Variants in ADCY5 observed in about 807,000 individuals in gnomAD.
ADCY5 encodes the protein adenylate cyclase type 5.
In ADCY5, 30 loss-of-function variants were observed where a neutral mutation model predicts 119.7. The observed-to-expected ratio is 0.25, with a 90% confidence interval of 0.19 to 0.34. The LOEUF is 0.34. Among genes scored for constraint, ADCY5 ranks in the 10% least tolerant of loss-of-function variants. The pLI, the probability that ADCY5 is intolerant of heterozygous loss-of-function variation, is 1.00. For missense variants in ADCY5, 1,324 were observed against 1,775.2 expected (o/e 0.75, Z 4.57); for synonymous variants, 753 against 762.2 (o/e 0.99, Z 0.20).
At chr3:123,336,493 C>T (rs1273410818) in intron 3 of ADCY5, among the ~76,000 whole-genome samples, 2 of 152,236 alleles carry the variant, frequency 1.3e-5, no homozygotes, top group East Asian at 1.9e-4. Context: ...TGAGGCTATG[C>T]AGCAAAGGCC....
chr3:123,291,173 G>C lies in ADCY5; in HGVS notation c.3267C>G (p.Ala1089=), dbSNP rs904280633. The change falls in exon 18 of 21, where the codon GCC becomes GCG. Residue 1089 remains alanine (A), a synonymous_variant. Coordinates refer to ENST00000462833, the MANE Select transcript of ADCY5 (RefSeq NM_183357.3). The part of the protein sequence containing the change: ...NFSEFYVELE[A]NNEGVECLRL... ...GCAGGCACTCGACACCCTCGTTGTT[G>C]GCCTCCAGCTCAACGTAGAACTCGG... 1 of 1,613,954 alleles carries C rather than the reference G, an allele frequency of 6.2e-7. No homozygotes were observed. Among genetic ancestry groups the C allele is most frequent in the African/African-American group, 1.3e-5 (1 of 74,926 alleles).
intron 1 of ADCY5, among the ~76,000 whole-genome samples, chr3:123,383,373 G>A (rs1559851415): frequency 6.6e-6 from 1 of 152,234 alleles, no homozygotes; most frequent in Non-Finnish European, 1.5e-5. Flanking sequence ...GTACGTCCCT[G>A]TGGCCGTGCA....
At position 123,397,710 on chromosome 3, in the gene ADCY5, ATCT is replaced by A. The variant is rs948623639; in HGVS notation, c.1135-45132_1135-45130del. ...TCCCTTCTTCTGTTCTGCAGGGAAG[ATCT>A]TCTTTGCTATTCTCAACTACTTCTT... On this transcript the variant is annotated intron_variant, in intron 1 of 20. Transcript: ENST00000462833. Among the ~76,000 whole-genome samples the A allele has an allele frequency of 4.4e-3, 670 of 152,340 alleles. 3 individuals carry two copies. The highest frequency in any genetic ancestry group is 0.016 in the African/African-American group (646 of 41,576).
chr3:123,421,484 T>C (rs977828253), intron 1 of ADCY5, among the ~76,000 whole-genome samples: 8 of 152,138 alleles, frequency 5.3e-5, no homozygotes, highest in African/African-American at 1.9e-4. Flanking sequence ...CATTATCTCA[T>C]CATGACACCT....
intron 3 of ADCY5, among the ~76,000 whole-genome samples, chr3:123,334,881 A>G (rs1483906550): frequency 6.6e-6 from 1 of 152,254 alleles, no homozygotes; most frequent in Non-Finnish European, 1.5e-5. Flanking sequence ...CCAACACCTC[A>G]CATACTGCTC....
chr3:123,366,618 A>G (rs1281897029), intron 1 of ADCY5, among the ~76,000 whole-genome samples: 1 of 152,172 alleles, frequency 6.6e-6, no homozygotes, highest in Admixed American at 6.5e-5. Context: ...AAATTCACTT[A>G]TCTTACACAC....
chr3:123,313,769 A>G (rs998594733), intron 12 of ADCY5, among the ~76,000 whole-genome samples: 7 of 152,128 alleles, frequency 4.6e-5, no homozygotes, highest in African/African-American at 1.7e-4. Flanking sequence ...CTCCTCATCT[A>G]TGTGCTGGGT....
intron 1 of ADCY5, among the ~76,000 whole-genome samples, chr3:123,394,824 C>T (rs1420591128): frequency 6.6e-6 from 1 of 152,204 alleles, no homozygotes; most frequent in Non-Finnish European, 1.5e-5. Flanking sequence ...CAATGGTGAC[C>T]TGAGTCACCC....
intron 19 of ADCY5, among the ~76,000 whole-genome samples, chr3:123,287,686 C>A (rs927655544): frequency 5.3e-5 from 8 of 152,214 alleles, no homozygotes; most frequent in African/African-American, 1.9e-4. Context: ...ATCAGTCCTT[C>A]CAAGCCGCAG....
chr3:123,312,339 C>G (rs1236955765), intron 12 of ADCY5, among the ~76,000 whole-genome samples: 2 of 152,186 alleles, frequency 1.3e-5, no homozygotes, highest in Non-Finnish European at 2.9e-5. Flanking sequence ...AGCAAAAGAA[C>G]TTTTAACTAT....
intron 1 of ADCY5, among the ~76,000 whole-genome samples, chr3:123,432,110 A>G (rs533077053): frequency 2.0e-5 from 3 of 152,342 alleles, no homozygotes; most frequent in African/African-American, 7.2e-5. Context: ...AGCCCTGGGC[A>G]TTCAAGGTGA....
rs190436295 is a variant in ADCY5, at chr3:123,389,702, T to C, written c.1135-37121A>G. Among the ~76,000 whole-genome samples the C allele has an allele frequency of 5.5e-4, 83 of 152,192 alleles. No homozygotes were observed. In the Middle Eastern group the frequency reaches 0.02, roughly 37 times the overall value. ...CTAACCCTGAGGTTAGAAAAACCTA[T>C]AACTTTCCCCCTCGCTGACCACAGG... On this transcript the variant is annotated intron_variant, in intron 1 of 20. Transcript: ENST00000462833.
intron 1 of ADCY5, among the ~76,000 whole-genome samples, chr3:123,406,782 G>A (rs374474013): frequency 6.6e-6 from 1 of 152,090 alleles, no homozygotes; most frequent in East Asian, 1.9e-4. Context: ...ACTCCACCCA[G>A]CTGGACTCCT....
At chr3:123,371,656 G>A (rs917162046) in intron 1 of ADCY5, among the ~76,000 whole-genome samples, 2 of 152,238 alleles carry the variant, frequency 1.3e-5, no homozygotes, top group African/African-American at 4.8e-5. Context: ...GGCAAGAGCT[G>A]GGGATGAGGC....
At chr3:123,359,828 C>A (rs1035091744) in intron 1 of ADCY5, among the ~76,000 whole-genome samples, 1 of 152,148 alleles carries the variant, frequency 6.6e-6, no homozygotes, top group African/African-American at 2.4e-5. Flanking sequence ...AAACTAACAA[C>A]GAAATGAGTC....
At chr3:123,432,692 A>G (rs1017175653) in intron 1 of ADCY5, among the ~76,000 whole-genome samples, 2 of 151,880 alleles carry the variant, frequency 1.3e-5, no homozygotes, top group Admixed American at 1.3e-4. Flanking sequence ...TTGCCTAGCT[A>G]ATTTTTTCAT....
chr3:123,316,460 A>G (rs549852773), intron 11 of ADCY5, among the ~76,000 whole-genome samples: 2 of 152,302 alleles, frequency 1.3e-5, no homozygotes, highest in African/African-American at 4.8e-5. Flanking sequence ...TTTAGTGTTA[A>G]TTTCCCGGTT....
In ADCY5 at chr3:123,448,707, T is replaced by A; in HGVS notation, c.-162A>T. 1 of 547,214 alleles carries A rather than the reference T, an allele frequency of 1.8e-6. No individual in the cohort carries two copies. 33.9% of individuals were successfully genotyped at this position (547,214 alleles called of 1,614,324 possible). ...GCGGGGCATCTTGGCACCCCCGTCC[T>A]GAGCGGAGGAGGAGGGCACAGCCCC... On this transcript the variant is annotated 5_prime_UTR_variant, in exon 1 of 21. Transcript: ENST00000462833.
chr3:123,293,539 G>GCA (rs1232274875), intron 17 of ADCY5, among the ~76,000 whole-genome samples: 3 of 151,666 alleles, frequency 2.0e-5, no homozygotes, highest in Admixed American at 2.0e-4. Flanking sequence ...ACACGCACAT[G>GCA]CACACACACA....
Sources: gnomAD v4.1 joint callset for allele counts (sites outside exome capture counted in the v4.1 genomes callset) on GRCh38, gnomAD v4.1.1 for gene constraint, MANE v1.5 for transcripts, NCBI Gene and HGNC (gene_info 2026-07-23, HGNC 2026-07-21) for gene names.